CNGB3: variants seen among roughly 807,000 people sequenced by gnomAD.
The protein encoded by CNGB3 is cyclic nucleotide-gated channel beta-3.
Under a neutral mutation model 92.8 loss-of-function variants are expected in CNGB3, and 86 were observed. The observed-to-expected ratio is 0.93, with a 90% CI of 0.78 to 1.11. CNGB3 has a LOEUF of 1.11. CNGB3 is among the 50% of genes least tolerant of loss of function. CNGB3 has a pLI of 0.00. For missense variants in CNGB3, 1,026 were observed against 956.8 expected, an observed-to-expected ratio of 1.07 and a Z score of -0.95; for synonymous variants, 333 against 332.7, an observed-to-expected ratio of 1.00 and a Z score of -0.01.
chr8:86,603,009 C>T (rs770525134), intron 15 of CNGB3, among the ~76,000 whole-genome samples: 1 of 152,184 alleles, frequency 6.6e-6, no homozygotes, highest in Non-Finnish European at 1.5e-5. Context: ...GACAAACTTG[C>T]TTTACCTCTA....
chr8:86,691,181 T>C (rs1487248586), intron 3 of CNGB3, among the ~76,000 whole-genome samples: 2 of 152,182 alleles, frequency 1.3e-5, no homozygotes, highest in African/African-American at 2.4e-5. Flanking sequence ...GCTTGGTTGG[T>C]GTTGGTGTAT....
Position 86,636,883 on chromosome 8 carries a change from G to A in CNGB3, c.1179-3990C>T, listed in dbSNP as rs112591889. ...TTTCTGTGTCTTGTTTATTTTGCTAGGCATAATGTCCCCCAGCACTATCTA... is the reference window on the plus strand; with the variant it reads ...TTTCTGTGTCTTGTTTATTTTGCTAAGCATAATGTCCCCCAGCACTATCTA... On this transcript the variant is annotated intron_variant, in intron 10 of 17. Transcript: ENST00000320005. Among the ~76,000 whole-genome samples the A allele has an allele frequency of 7.6e-4, 116 of 152,164 alleles. 1 individual carries two copies. In the South Asian group the frequency reaches 0.012, roughly 16 times the overall value.
chr8:86,637,091 CTT>C (rs1189184190), intron 10 of CNGB3, among the ~76,000 whole-genome samples: 1 of 152,166 alleles, frequency 6.6e-6, no homozygotes, highest in Non-Finnish European at 1.5e-5. Flanking sequence ...GCAGATGTCT[CTT>C]TGAGATACAG....
chr8:86,602,229 G>C (rs540834630), intron 15 of CNGB3, among the ~76,000 whole-genome samples: 3 of 152,234 alleles, frequency 2.0e-5, no homozygotes, highest in South Asian at 4.1e-4. Flanking sequence ...CTCAGGTCTC[G>C]TATGTTCTGA....
intron 3 of CNGB3, among the ~76,000 whole-genome samples, chr8:86,718,888 T>G (rs1305468090): frequency 6.6e-6 from 1 of 152,064 alleles, no homozygotes; most frequent in Non-Finnish European, 1.5e-5. Flanking sequence ...ATAAATGTGA[T>G]ACATCACATA....
At chr8:86,703,814 T>C (rs541651186) in intron 3 of CNGB3, 3 of 152,332 alleles carry the variant, frequency 2.0e-5, no homozygotes, top group Admixed American at 2.0e-4. Flanking sequence ...AAAGAATCAG[T>C]ATGGTGTTAT....
At position 86,589,123 on chromosome 8, in the gene CNGB3, C is replaced by T. The variant is rs370272829; in HGVS notation, c.1782-9871G>A. On this transcript the variant is annotated intron_variant, in intron 15 of 17. Coordinates refer to ENST00000320005, the MANE Select transcript of CNGB3 (RefSeq NM_019098.5). ...TCTTCTAGATTTTCTAGTTTATTTG[C>T]GTAGAGGTGTTTGTAGTATTCTCTG... Among the ~76,000 whole-genome samples the T allele has an allele frequency of 8.6e-5, 13 of 151,146 alleles. No individual in the cohort carries two copies. The South Asian group carries it at 1.7e-3, about 20-fold the overall frequency.
At chr8:86,624,023 C>A (rs181578646) in intron 13 of CNGB3, among the ~76,000 whole-genome samples, 1 of 152,216 alleles carries the variant, frequency 6.6e-6, no homozygotes, top group African/African-American at 2.4e-5. Flanking sequence ...CTTCCTAAGG[C>A]CTTTTCTTCA....
At chr8:86,731,891 T>C (rs997726245) in intron 2 of CNGB3, among the ~76,000 whole-genome samples, 8 of 152,164 alleles carry the variant, frequency 5.3e-5, no homozygotes, top group African/African-American at 1.9e-4. Flanking sequence ...TTCATAGCAC[T>C]GACGTATGTG....
chr8:86,661,647 A>G, intron 6 of CNGB3: 2 of 841,324 alleles, frequency 2.4e-6, no homozygotes, highest in Non-Finnish European at 4.1e-6. Flanking sequence ...CAGTGATTTA[A>G]GTATTTTATA....
intron 15 of CNGB3, among the ~76,000 whole-genome samples, chr8:86,600,275 A>G (rs1221121603): frequency 6.6e-6 from 1 of 152,104 alleles, no homozygotes; most frequent in Non-Finnish European, 1.5e-5. Context: ...CATACATTTA[A>G]TCACCTGGTA....
intron 15 of CNGB3, among the ~76,000 whole-genome samples, chr8:86,601,808 C>A (rs1292941173): frequency 6.6e-6 from 1 of 152,166 alleles, no homozygotes; most frequent in Non-Finnish European, 1.5e-5. Flanking sequence ...GCAAAAAGCT[C>A]CCTTTTACTT....
intron 15 of CNGB3, among the ~76,000 whole-genome samples, chr8:86,582,805 C>T (rs2131536805): frequency 6.6e-6 from 1 of 152,232 alleles, no homozygotes; most frequent in South Asian, 2.1e-4. Context: ...TTGCCAGTGG[C>T]CTTGCCCTGC....
intron 11 of CNGB3, 97 bp downstream of exon 11, chr8:86,632,655 C>G: frequency 7.7e-7 from 1 of 1,292,084 alleles, no homozygotes; most frequent in Non-Finnish European, 1.1e-6. Flanking sequence ...AAAGAAGAAC[C>G]AGACAGATTT....
chr8:86,656,952 AAAT>A (rs1563743011), intron 6 of CNGB3, among the ~76,000 whole-genome samples: 2 of 152,276 alleles, frequency 1.3e-5, no homozygotes, highest in Middle Eastern at 6.8e-3. Flanking sequence ...GGAATATACA[AAAT>A]TTTACACAGA....
intron 2 of CNGB3, among the ~76,000 whole-genome samples, chr8:86,738,840 C>CAA (rs773191598): frequency 0.22 from 26,525 of 120,572 alleles, 3,263 homozygotes; most frequent in South Asian, 0.3. Context: ...GACTCCGTCT[C>CAA]AAAAAAAAAA....
chr8:86,622,367 C>T (rs1162021435), intron 13 of CNGB3, among the ~76,000 whole-genome samples: 1 of 131,886 alleles, frequency 7.6e-6, no homozygotes, highest in East Asian at 2.2e-4. Context: ...TCTTTTGGGG[C>T]CATTCTTCTT....
At chr8:86,728,973 C>A (rs1046954269) in intron 2 of CNGB3, among the ~76,000 whole-genome samples, 1 of 152,056 alleles carries the variant, frequency 6.6e-6, no homozygotes, top group South Asian at 2.1e-4. Context: ...TGCGGTGGTA[C>A]GATCACAGCT....
chr8:86,699,912 C>T (rs1824520290), intron 3 of CNGB3, among the ~76,000 whole-genome samples: 3 of 151,756 alleles, frequency 2.0e-5, no homozygotes, highest in Admixed American at 2.0e-4. Context: ...TTCTCCTTCC[C>T]ATCCTCCCTT....
Sources: gnomAD v4.1 joint callset for allele counts (sites outside exome capture counted in the v4.1 genomes callset) on GRCh38, gnomAD v4.1.1 for gene constraint, MANE v1.5 for transcripts, NCBI Gene and HGNC (gene_info 2026-07-23, HGNC 2026-07-21) for gene names.